The following SYS1 variants were observed in gnomAD, a reference collection of about 807,000 sequenced individuals.
SYS1 encodes protein SYS1 homolog.
In SYS1, 8 loss-of-function variants were observed where a neutral mutation model predicts 17.8. The ratio of observed to expected loss-of-function variants is 0.45; its 90% CI spans 0.26 to 0.81. The LOEUF (loss-of-function observed/expected upper bound fraction) is 0.81, where lower values mean the gene tolerates loss of function less well. Among genes scored for constraint, SYS1 ranks in the 40% least tolerant of loss-of-function variants. The pLI, the probability that SYS1 is intolerant of heterozygous loss-of-function variation, is 0.16. For missense variants in SYS1, 161 were observed against 203.9 expected, an observed-to-expected ratio of 0.79 and a Z score of 1.28; for synonymous variants, 95 against 90.9, an observed-to-expected ratio of 1.05 and a Z score of -0.26.
chr20:45,373,810 G>C (rs945880698), downstream of SYS1: 1 of 1,213,232 alleles, frequency 8.2e-7, no homozygotes, highest in African/African-American at 1.5e-5. Context: ...TCGCGACACA[G>C]GCTCCCTCTA....
At position 45,363,162 on chromosome 20, in the gene SYS1, T is replaced by C. The variant is rs921716584; in HGVS notation, c.-157T>C. On this transcript the variant is annotated 5_prime_UTR_variant, in exon 1 of 4. Coordinates refer to ENST00000243918, the MANE Select transcript of SYS1 (RefSeq NM_033542.4). ...GCTTTCCCCGGAAACGTTTCTTTCC[T>C]ACGCAGCCGCTCCTGCCGCCGTGGT... 1.3e-4 allele frequency: 131 copies of C among 1,036,274 alleles called. No homozygotes were observed. The Admixed American group carries it at 3.0e-3, about 24-fold the overall frequency. The allele number at this position is 1,036,274 out of a possible 1,614,324, so 64.2% of individuals were successfully genotyped here. A position where few individuals can be genotyped will look rare whatever the true frequency, so the allele number is the denominator to read the frequency against.
chr20:45,375,269 C>G, exon 4 of SYS1: 1 of 1,614,154 alleles, frequency 6.2e-7, no homozygotes, highest in Non-Finnish European at 8.5e-7. Context: ...CGGGGGCCCT[C>G]GGTGAGTGGT....
chr20:45,374,045 A>T (rs374803497), downstream of SYS1: 7 of 1,606,664 alleles, frequency 4.4e-6, no homozygotes, highest in Non-Finnish European at 6.0e-6. Context: ...AGGCGCTAAG[A>T]CTGTCCCCAG....
Position 45,367,919 on chromosome 20 carries a change from C to A in SYS1, c.*804C>A, listed in dbSNP as rs1339910322. 1 of 985,484 alleles carries A rather than the reference C, an allele frequency of 1.0e-6. No individual in the cohort carries two copies. The highest frequency in any genetic ancestry group is 1.1e-4 in the East Asian group (1 of 8,828). 61.0% of individuals were successfully genotyped at this position (985,484 alleles called of 1,614,324 possible). ...CACTGGACTCCAATTTTTTTTCCTG[C>A]CTTATTTAGAATTCTTTGGCGGGAA... On this transcript the variant is annotated 3_prime_UTR_variant, in exon 4 of 4. Coordinates refer to ENST00000243918, the MANE Select transcript of SYS1 (RefSeq NM_033542.4).
At position 45,365,118 on chromosome 20, in the gene SYS1, A is replaced by T. The variant is rs2083144861; in HGVS notation, c.163-501A>T. The T allele has an allele frequency of 1.2e-5, 3 of 251,974 alleles. No individual in the cohort carries two copies. In the South Asian group the frequency reaches 1.3e-4, roughly 11 times the overall value. 15.6% of individuals were successfully genotyped at this position (251,974 alleles called of 1,614,324 possible). ...GTTGAAGAGCCATATGATGCACACAACCTGAGTTCTAGCCTAGGGATCAGC... is the reference window on the plus strand; with the variant it reads ...GTTGAAGAGCCATATGATGCACACATCCTGAGTTCTAGCCTAGGGATCAGC... On this transcript the variant is annotated intron_variant, in intron 2 of 3. Transcript: ENST00000243918.
intron 2 of SYS1, among the ~76,000 whole-genome samples, chr20:45,364,672 C>T (rs1988350816): frequency 6.6e-6 from 1 of 151,638 alleles, no homozygotes; most frequent in East Asian, 1.9e-4. Flanking sequence ...GGGGTTTCAC[C>T]GTTTTAGCCG....
downstream of SYS1, among the ~76,000 whole-genome samples, chr20:45,370,645 C>G (rs887366768): frequency 6.6e-6 from 1 of 152,086 alleles, no homozygotes; most frequent in Non-Finnish European, 1.5e-5. Flanking sequence ...CAAACAGTCT[C>G]CCCTGGACAG....
At position 45,363,271 on chromosome 20, in the gene SYS1, A is replaced by T. The variant is rs1243013680; in HGVS notation, c.-48A>T. 1.1e-5 allele frequency: 13 copies of T among 1,235,662 alleles called. No individual in the cohort carries two copies. The highest frequency in any genetic ancestry group is 1.3e-5 in the Non-Finnish European group (13 of 982,492). 76.5% of individuals were successfully genotyped at this position (1,235,662 alleles called of 1,614,324 possible). A position where few individuals can be genotyped will look rare whatever the true frequency, so the allele number is the denominator to read the frequency against. ...GCGCTGTTTTGGGAGCCCGCCGGTG[A>T]GGCCGGGCCACGCTCAGACACTTCG... On this transcript the variant is annotated 5_prime_UTR_variant, in exon 1 of 4. An upstream open reading frame in the 5' UTR loses its in-frame stop. Coordinates refer to ENST00000243918, the MANE Select transcript of SYS1 (RefSeq NM_033542.4).
At chr20:45,371,664 C>T (rs748585576), downstream of SYS1, among the ~76,000 whole-genome samples, 6 of 152,178 alleles carry the variant, frequency 3.9e-5, no homozygotes, top group South Asian at 2.1e-4. Context: ...AATTGTGAGA[C>T]GGACAGTCTT....
rs1600748135 is a variant in SYS1 at position 45,367,050 on chromosome 20, T to G, written c.406T>G (p.Tyr136Asp). Reference sequence around the variant, plus strand: ...TGCACTCATGGCTGTCATCGGGGAGTACCTGTGCATGCGGACGGAGCTCAA... The same window carrying G: ...TGCACTCATGGCTGTCATCGGGGAGGACCTGTGCATGCGGACGGAGCTCAA... ...CIALMAVIGE[Y>D]LCMRTELKEI... Residue 136 changes from tyrosine to aspartate, a missense_variant, in exon 4 of 4, where the codon TAC becomes GAC. Tyr to Asp is a radical substitution (Grantham distance 160). Transcript: ENST00000243918. 6.2e-7 allele frequency: 1 copy of G among 1,613,932 alleles called. No homozygotes were observed. The highest frequency in any genetic ancestry group is 1.1e-5 in the South Asian group (1 of 91,074).
chr20:45,375,278 G>T (rs755672659), exon 4 of SYS1: 1 of 1,614,144 alleles, frequency 6.2e-7, no homozygotes, highest in South Asian at 1.1e-5. Flanking sequence ...TCGGTGAGTG[G>T]TTGCCTCCCC....
chr20:45,363,139 T>C (rs141384902), upstream of SYS1: 18 of 1,019,478 alleles, frequency 1.8e-5, no homozygotes, highest in East Asian at 1.8e-3. Context: ...CCTCCGCTGC[T>C]TTCCCCGGAA....
rs531567618 is a variant in SYS1 at position 45,374,663 on chromosome 20, C to CT, written c.*370dup. 1.1e-3 allele frequency: 482 copies of CT among 429,894 alleles called. 1 individual carries two copies. The highest frequency in any genetic ancestry group is 8.4e-3 in the African/African-American group (423 of 50,148). The allele number at this position is 429,894 out of a possible 1,614,324, so 26.6% of individuals were successfully genotyped here. ...AGAGGGAATGGGATGCAGCAAAGCC[C>CT]TACTTGACCATCTCCCCCCTCCCAC... On this transcript the variant is annotated 3_prime_UTR_variant, in exon 4 of 4. Transcript: ENST00000426004.
exon 4 of SYS1, chr20:45,375,952 A>G (rs755652386): frequency 1.7e-5 from 3 of 179,106 alleles, no homozygotes; most frequent in Non-Finnish European, 3.5e-5. Flanking sequence ...GGGGCAGGAT[A>G]CCTCTCCCCA....
chr20:45,362,039 C>A (rs536625546), upstream of SYS1: 6 of 984,726 alleles, frequency 6.1e-6, no homozygotes, highest in Admixed American at 1.8e-4. Context: ...AGTGAGTTAT[C>A]GATTTGCTCT....
At chr20:45,375,174 A>C in exon 4 of SYS1, 1 of 1,614,150 alleles carries the variant, frequency 6.2e-7, no homozygotes, top group Admixed American at 1.7e-5. Context: ...GCAGCCCCTC[A>C]AACCAGATCC....
chr20:45,371,319 A>G (rs1337760701), downstream of SYS1, among the ~76,000 whole-genome samples: 1 of 152,194 alleles, frequency 6.6e-6, no homozygotes, highest in Admixed American at 6.5e-5. Flanking sequence ...ATAATTCTAG[A>G]CAATTATTAG....
chr20:45,367,078 A>T lies in SYS1; in HGVS notation c.434A>T (p.Glu145Val). The T allele has an allele frequency of 6.2e-7, 1 of 1,614,152 alleles. No individual in the cohort carries two copies. Among genetic ancestry groups the T allele is most frequent in the South Asian group, 1.1e-5 (1 of 91,084 alleles). Residue 145 changes from glutamate (E) to valine (V), a missense_variant, in exon 4 of 4, where the codon GAG becomes GTG. By Grantham distance (121) the Glu-to-Val change is moderately radical (BLOSUM62 -2). Transcript: ENST00000243918. ...EYLCMRTELKEIPLNSAPKSN... is the reference protein window; with the variant it reads ...EYLCMRTELKVIPLNSAPKSN... ...CTGTGCATGCGGACGGAGCTCAAGGAGATACCCCTCAACTCAGCCCCTAAA... is the reference window on the plus strand; with the variant it reads ...CTGTGCATGCGGACGGAGCTCAAGGTGATACCCCTCAACTCAGCCCCTAAA...
upstream of SYS1, chr20:45,363,065 T>C: frequency 1.0e-5 from 10 of 981,768 alleles, no homozygotes; most frequent in Non-Finnish European, 1.2e-5. Context: ...CGGCTGCTTG[T>C]ACCTGGTTCA....
Sources: gnomAD v4.1 joint callset for allele counts (sites outside exome capture counted in the v4.1 genomes callset) on GRCh38, gnomAD v4.1.1 for gene constraint, MANE v1.5 for transcripts, NCBI Gene and HGNC (gene_info 2026-07-23, HGNC 2026-07-21) for gene names.